SCN11A: variants seen among roughly 807,000 people sequenced by gnomAD.
The protein encoded by SCN11A is sodium channel protein type 11 subunit alpha.
Under a neutral mutation model 162.2 loss-of-function variants are expected in SCN11A, and 122 were observed. The ratio of observed to expected loss-of-function variants is 0.75; its 90% CI spans 0.65 to 0.87. The LOEUF is 0.87. Ranked by LOEUF, SCN11A falls within the 40% of genes least tolerant of loss-of-function variation. The probability of loss-of-function intolerance (pLI) is 0.00; values close to 1 mark genes in which losing one functional copy is unlikely to be tolerated. For missense variants in SCN11A, 2,015 were observed against 2,181.6 expected, an observed-to-expected ratio of 0.92 and a Z score of 1.52; for synonymous variants, 758 against 751.5, an observed-to-expected ratio of 1.01 and a Z score of -0.14.
At chr3:38,924,228 C>CT (rs879727620) in intron 9 of SCN11A, among the ~76,000 whole-genome samples, 111 of 145,606 alleles carry the variant, frequency 7.6e-4, no homozygotes, top group Middle Eastern at 3.5e-3. Context: ...CCCTTCAGTC[C>CT]TTTTTTTTTT....
At chr3:39,027,526 T>C (rs11711328) in intron 2 of SCN11A, among the ~76,000 whole-genome samples, 16,042 of 152,218 alleles carry the variant, frequency 0.11, 1,077 homozygotes, top group East Asian at 0.22. Context: ...AGGACCAGCA[T>C]TGGCACTCAG....
intron 2 of SCN11A, among the ~76,000 whole-genome samples, chr3:38,976,434 A>T (rs2066850437): frequency 6.6e-6 from 1 of 152,212 alleles, no homozygotes; most frequent in Admixed American, 6.5e-5. Flanking sequence ...AATCAAATAC[A>T]GTTAGAGCAT....
At chr3:38,893,649 G>A (rs1005506379) in intron 19 of SCN11A, among the ~76,000 whole-genome samples, 9 of 152,234 alleles carry the variant, frequency 5.9e-5, no homozygotes, top group African/African-American at 2.2e-4. Context: ...TAAAAGGGCT[G>A]AAATTGTACA....
chr3:39,019,891 G>T (rs1024938295), intron 2 of SCN11A, among the ~76,000 whole-genome samples: 2 of 152,036 alleles, frequency 1.3e-5, no homozygotes, highest in African/African-American at 4.8e-5. Context: ...AAATGGTTGG[G>T]GTATTTACTG....
intron 2 of SCN11A, among the ~76,000 whole-genome samples, chr3:38,971,630 G>A (rs982761005): frequency 2.6e-5 from 4 of 152,130 alleles, no homozygotes; most frequent in African/African-American, 9.7e-5. Flanking sequence ...TCTTCTTCCA[G>A]GGAGCTTTTC....
intron 19 of SCN11A, among the ~76,000 whole-genome samples, chr3:38,890,204 G>A (rs562315866): frequency 6.3e-4 from 96 of 152,146 alleles, no homozygotes; most frequent in Non-Finnish European, 9.3e-4. Flanking sequence ...GGGTGGGGAG[G>A]ATTAAGGAAG....
chr3:38,942,003 G>C (rs1011198684), intron 7 of SCN11A, among the ~76,000 whole-genome samples: 1 of 152,030 alleles, frequency 6.6e-6, no homozygotes, highest in Non-Finnish European at 1.5e-5. Context: ...GAGAGTAAAA[G>C]AATGGAAAAA....
chr3:38,943,238 T>C (rs535824485), intron 7 of SCN11A, among the ~76,000 whole-genome samples: 26 of 152,112 alleles, frequency 1.7e-4, no homozygotes, highest in African/African-American at 6.0e-4. Context: ...ACATAGCATA[T>C]GAAATGTATA....
At chr3:38,925,158 G>A (rs1448059182) in intron 9 of SCN11A, among the ~76,000 whole-genome samples, 3 of 151,396 alleles carry the variant, frequency 2.0e-5, no homozygotes, top group Admixed American at 1.3e-4. Context: ...TTGTTGCTTC[G>A]TGTCTGTCTC....
At chr3:39,033,076 C>T (rs2031804531) in intron 1 of SCN11A, among the ~76,000 whole-genome samples, 1 of 151,812 alleles carries the variant, frequency 6.6e-6, no homozygotes, top group African/African-American at 2.4e-5. Flanking sequence ...TTGCTTGAAC[C>T]TGGGAGGTGG....
intron 3 of SCN11A, among the ~76,000 whole-genome samples, chr3:38,954,647 C>A (rs527976028): frequency 1.4e-4 from 21 of 151,760 alleles, no homozygotes; most frequent in African/African-American, 3.4e-4. Flanking sequence ...AACAAACAAA[C>A]AAACAAAAAA....
chr3:38,847,499 G>A lies in SCN11A; in HGVS notation c.4571C>T (p.Pro1524Leu). The A allele has an allele frequency of 6.2e-7, 1 of 1,614,110 alleles. No homozygotes were observed. The highest frequency in any genetic ancestry group is 1.3e-5 in the African/African-American group (1 of 75,040). Reference sequence around the variant, plus strand: ...GAATATGTCATCGATTCCAGACTCTGGATTCACTTTGGAAAACCAGTTCAT... The same window carrying A: ...GAATATGTCATCGATTCCAGACTCTAGATTCACTTTGGAAAACCAGTTCAT... ...LGMNWFSKVN[P>L]ESGIDDIFNF... The change falls in exon 30 of 30, where the codon CCA becomes CTA. Residue 1524 changes from proline to leucine, a missense_variant. Coordinates refer to ENST00000302328, the MANE Select transcript of SCN11A (RefSeq NM_001349253.2).
At chr3:39,001,333 C>T (rs2030805085) in intron 2 of SCN11A, among the ~76,000 whole-genome samples, 1 of 152,236 alleles carries the variant, frequency 6.6e-6, no homozygotes. Context: ...CTTTCTGTCT[C>T]TATGAATCTG....
intron 2 of SCN11A, among the ~76,000 whole-genome samples, chr3:39,023,610 A>G (rs2031509325): frequency 6.6e-6 from 1 of 152,114 alleles, no homozygotes; most frequent in Non-Finnish European, 1.5e-5. Context: ...TAGATGATGA[A>G]AAATAGACTT....
In SCN11A at chr3:38,908,130, T is replaced by C. The variant is rs1394598190; in HGVS notation, c.1300-8A>G. 11 of 1,607,972 alleles carry C rather than the reference T, an allele frequency of 6.8e-6. No individual in the cohort carries two copies. The highest frequency in any genetic ancestry group is 2.2e-5 in the South Asian group (2 of 89,362). Reference sequence around the variant, plus strand: ...TCCCATGGCAACCAGAGCCTTCAAATTGAACAAAAGCAATTAAAGAACAGA... The same window carrying C: ...TCCCATGGCAACCAGAGCCTTCAAACTGAACAAAAGCAATTAAAGAACAGA... On this transcript the variant is annotated splice_region_variant and splice_polypyrimidine_tract_variant and intron_variant, in intron 13 of 29. Transcript: ENST00000302328.
At chr3:39,028,759 T>C (rs777854682) in intron 2 of SCN11A, among the ~76,000 whole-genome samples, 5 of 152,176 alleles carry the variant, frequency 3.3e-5, no homozygotes, top group Non-Finnish European at 5.9e-5. Flanking sequence ...CCTTGTGTTA[T>C]AACAATCTGC....
intron 2 of SCN11A, among the ~76,000 whole-genome samples, chr3:39,009,109 A>G (rs1219870234): frequency 6.6e-6 from 1 of 152,156 alleles, no homozygotes; most frequent in African/African-American, 2.4e-5. Context: ...GATTGAATGA[A>G]AAAGCAGATA....
chr3:38,853,311 T>C (rs2064813674), intron 28 of SCN11A, among the ~76,000 whole-genome samples: 1 of 152,200 alleles, frequency 6.6e-6, no homozygotes, highest in Non-Finnish European at 1.5e-5. Flanking sequence ...CTCTCTTTTC[T>C]TGTTGTTGGC....
At chr3:39,027,663 T>C (rs1317367675) in intron 2 of SCN11A, among the ~76,000 whole-genome samples, 1 of 152,168 alleles carries the variant, frequency 6.6e-6, no homozygotes, top group African/African-American at 2.4e-5. Context: ...GGGGAGGCTG[T>C]TTACCCCACA....
Sources: allele counts gnomAD v4.1 joint callset (sites outside exome capture counted in the v4.1 genomes callset), GRCh38; gene constraint gnomAD v4.1.1; transcripts MANE v1.5; gene names NCBI Gene and HGNC (gene_info 2026-07-23, HGNC 2026-07-21).